The following GPR158 variants were observed in gnomAD, a reference collection of about 807,000 sequenced individuals.
GPR158 encodes metabotropic glycine receptor.
Under a neutral mutation model 78.2 loss-of-function variants are expected in GPR158, and 30 were observed. The ratio of observed to expected loss-of-function variants is 0.38; its 90% CI spans 0.29 to 0.52. The LOEUF (loss-of-function observed/expected upper bound fraction) is 0.52, where lower values mean the gene tolerates loss of function less well. Ranked by LOEUF, GPR158 falls within the 20% of genes least tolerant of loss-of-function variation. The probability of loss-of-function intolerance (pLI) is 0.83; values close to 1 mark genes in which losing one functional copy is unlikely to be tolerated. For synonymous variants in GPR158, 581 were observed against 591.1 expected (o/e 0.98, Z 0.25); for missense variants, 1,463 against 1,523.5 (o/e 0.96, Z 0.66).
intron 2 of GPR158, among the ~76,000 whole-genome samples, chr10:25,293,181 G>A (rs116537736): frequency 2.0e-4 from 30 of 152,310 alleles, no homozygotes; most frequent in African/African-American, 7.2e-4. Flanking sequence ...GCCTTGAGTT[G>A]AGAATTCCTT....
intron 2 of GPR158, among the ~76,000 whole-genome samples, chr10:25,358,271 T>A (rs1329078822): frequency 6.6e-6 from 1 of 151,946 alleles, no homozygotes; most frequent in Non-Finnish European, 1.5e-5. Flanking sequence ...GACTTTGGAG[T>A]TAATGCTGAA....
chr10:25,372,859 AAAAT>A (rs1175421717), intron 2 of GPR158, among the ~76,000 whole-genome samples: 10 of 151,840 alleles, frequency 6.6e-5, no homozygotes, highest in East Asian at 3.9e-4. Flanking sequence ...TAATAATAAT[AAAAT>A]AAATAAATAA....
At chr10:25,396,130 T>A in intron 3 of GPR158, 117 bp downstream of exon 3, 1 of 544,518 alleles carries the variant, frequency 1.8e-6, no homozygotes, top group Non-Finnish European at 3.2e-6. Context: ...TGGTTTGGCA[T>A]TCTTTCATCA....
At chr10:25,352,256 T>C (rs1274860847) in intron 2 of GPR158, among the ~76,000 whole-genome samples, 9 of 152,090 alleles carry the variant, frequency 5.9e-5, no homozygotes, top group Admixed American at 5.9e-4. Flanking sequence ...AGCCCATTAC[T>C]TTAGTTAATT....
At chr10:25,532,887 AC>A (rs960909500) in intron 5 of GPR158, among the ~76,000 whole-genome samples, 3 of 152,182 alleles carry the variant, frequency 2.0e-5, no homozygotes, top group African/African-American at 7.2e-5. Context: ...GTAGATACAA[AC>A]AGAAGCATAT....
intron 4 of GPR158, among the ~76,000 whole-genome samples, chr10:25,458,872 T>TA (rs1287700348): frequency 6.6e-6 from 1 of 152,214 alleles, no homozygotes; most frequent in Non-Finnish European, 1.5e-5. Context: ...AAAATAGCTT[T>TA]TTTATTGCTG....
chr10:25,278,971 TAGTA>T (rs1455098845), intron 2 of GPR158, among the ~76,000 whole-genome samples: 1 of 151,820 alleles, frequency 6.6e-6, no homozygotes, highest in African/African-American at 2.4e-5. Flanking sequence ...GCAAAGAAAA[TAGTA>T]TGTATGTGTG....
intron 4 of GPR158, among the ~76,000 whole-genome samples, chr10:25,415,648 T>C (rs1052710218): frequency 1.2e-4 from 18 of 152,122 alleles, no homozygotes; most frequent in African/African-American, 4.3e-4. Flanking sequence ...ACTCCCAGTA[T>C]ATATCCAGAA....
chr10:25,593,519 C>A (rs1268837247), intron 8 of GPR158, among the ~76,000 whole-genome samples: 1 of 151,910 alleles, frequency 6.6e-6, no homozygotes, highest in African/African-American at 2.4e-5. Flanking sequence ...ATGAAAGCAA[C>A]CCCTGGTTTC....
At chr10:25,317,525 A>C (rs555037384) in intron 2 of GPR158, among the ~76,000 whole-genome samples, 2 of 150,056 alleles carry the variant, frequency 1.3e-5, no homozygotes, top group Non-Finnish European at 3.0e-5. Context: ...TTCATTTCTT[A>C]CTCCTTCCTG....
At chr10:25,312,426 T>C (rs368932430) in intron 2 of GPR158, among the ~76,000 whole-genome samples, 18 of 152,240 alleles carry the variant, frequency 1.2e-4, no homozygotes, top group East Asian at 1.2e-3. Flanking sequence ...ATACAAGTTT[T>C]CTTAAACTTG....
At chr10:25,556,093 G>A (rs1836783045) in intron 6 of GPR158, among the ~76,000 whole-genome samples, 1 of 152,156 alleles carries the variant, frequency 6.6e-6, no homozygotes, top group Non-Finnish European at 1.5e-5. Context: ...AGTTTAAGAT[G>A]GCGTCTTAAA....
chr10:25,482,039 T>A (rs572396278), intron 5 of GPR158, among the ~76,000 whole-genome samples: 1 of 152,078 alleles, frequency 6.6e-6, no homozygotes. Flanking sequence ...TGACCATACC[T>A]TAGCTCTGGC....
At chr10:25,192,313 A>G (rs1352839482) in intron 1 of GPR158, among the ~76,000 whole-genome samples, 2 of 152,156 alleles carry the variant, frequency 1.3e-5, no homozygotes, top group Non-Finnish European at 1.5e-5. Flanking sequence ...TCCCCAGCCA[A>G]ATGGAACTGT....
intron 1 of GPR158, among the ~76,000 whole-genome samples, chr10:25,205,614 G>C (rs1853014565): frequency 6.6e-6 from 1 of 151,968 alleles, no homozygotes. Context: ...ATCCTGTTAT[G>C]TTGCATCTTT....
intron 4 of GPR158, among the ~76,000 whole-genome samples, chr10:25,432,315 G>C (rs1300123699): frequency 6.6e-6 from 1 of 152,152 alleles, no homozygotes; most frequent in Non-Finnish European, 1.5e-5. Context: ...TGGTGAAGGT[G>C]TTAGGAACTA....
intron 2 of GPR158, among the ~76,000 whole-genome samples, chr10:25,357,631 C>T (rs990967937): frequency 4.6e-5 from 7 of 152,138 alleles, no homozygotes; most frequent in Non-Finnish European, 8.8e-5. Flanking sequence ...TGTGGTTGCA[C>T]AGAATTCAAG....
At chr10:25,265,324 G>T (rs1854031374) in intron 2 of GPR158, among the ~76,000 whole-genome samples, 1 of 152,030 alleles carries the variant, frequency 6.6e-6, no homozygotes, top group African/African-American at 2.4e-5. Flanking sequence ...CTCTTCTCTT[G>T]CTGCAATAAG....
At chr10:25,294,809 A>G (rs1020971982) in intron 2 of GPR158, among the ~76,000 whole-genome samples, 12 of 152,136 alleles carry the variant, frequency 7.9e-5, no homozygotes, top group Non-Finnish European at 1.6e-4. Flanking sequence ...CTTTTAAAAC[A>G]TAAGGTTAGA....
Sources: gnomAD v4.1 joint callset for allele counts (sites outside exome capture counted in the v4.1 genomes callset) on GRCh38, gnomAD v4.1.1 for gene constraint, MANE v1.5 for transcripts, NCBI Gene and HGNC (gene_info 2026-07-23, HGNC 2026-07-21) for gene names.